The following GRID2 variants were observed in gnomAD, a reference collection of about 807,000 sequenced individuals.
GRID2 encodes glutamate ionotropic receptor delta type subunit 2, also known as glutamate receptor ionotropic, delta-2.
GRID2 carries 33 observed loss-of-function variants against 114.8 expected under a neutral mutation model. The ratio of observed to expected loss-of-function variants is 0.29; its 90% CI spans 0.22 to 0.38. The LOEUF is 0.38. GRID2 is among the 10% of genes least tolerant of loss of function. The pLI is 1.00. For synonymous variants in GRID2, 505 were observed against 449.9 expected (o/e 1.12, Z -1.55); for missense variants, 1,184 against 1,257.7 (o/e 0.94, Z 0.89).
At chr4:93,252,829 A>G (rs913286683) in intron 8 of GRID2, among the ~76,000 whole-genome samples, 1 of 151,930 alleles carries the variant, frequency 6.6e-6, no homozygotes, top group Non-Finnish European at 1.5e-5. Flanking sequence ...TTTTGTGGCA[A>G]TTGCAAATGG....
intron 1 of GRID2, among the ~76,000 whole-genome samples, chr4:92,559,323 C>A (rs1218960651): frequency 1.3e-5 from 2 of 151,994 alleles, no homozygotes; most frequent in African/African-American, 4.8e-5. Flanking sequence ...TTTTTTTCTT[C>A]TAATTACAGA....
At chr4:93,310,914 T>G (rs1168602697) in intron 8 of GRID2, among the ~76,000 whole-genome samples, 1 of 152,176 alleles carries the variant, frequency 6.6e-6, no homozygotes, top group African/African-American at 2.4e-5. Context: ...ATCTTTTCTG[T>G]GTATAGGTTT....
intron 2 of GRID2, among the ~76,000 whole-genome samples, chr4:92,943,521 C>T (rs1208942824): frequency 2.0e-5 from 3 of 152,086 alleles, no homozygotes; most frequent in South Asian, 2.1e-4. Flanking sequence ...GCCATGGGTT[C>T]GAACTTCCTC....
chr4:92,690,539 A>G (rs189311542), intron 2 of GRID2, among the ~76,000 whole-genome samples: 1 of 152,356 alleles, frequency 6.6e-6, no homozygotes, highest in East Asian at 1.9e-4. Context: ...CACAGTCATG[A>G]AGTGATCACA....
chr4:92,935,813 C>T (rs1417824920), intron 2 of GRID2, among the ~76,000 whole-genome samples: 2 of 142,676 alleles, frequency 1.4e-5, no homozygotes, highest in African/African-American at 5.0e-5. Flanking sequence ...CATGTTCTCA[C>T]TCATAGGTGG....
At chr4:93,180,944 C>A (rs1347005114) in intron 4 of GRID2, among the ~76,000 whole-genome samples, 1 of 152,108 alleles carries the variant, frequency 6.6e-6, no homozygotes, top group Non-Finnish European at 1.5e-5. Context: ...AACTCCTGCT[C>A]ATGTTGATAT....
chr4:92,370,512 T>C (rs1220436453), intron 1 of GRID2, among the ~76,000 whole-genome samples: 1 of 151,882 alleles, frequency 6.6e-6, no homozygotes, highest in Admixed American at 6.6e-5. Flanking sequence ...TAGCCAGGCG[T>C]GGTGGTGGGT....
chr4:93,333,061 G>C (rs1018314922), intron 8 of GRID2, among the ~76,000 whole-genome samples: 3 of 152,088 alleles, frequency 2.0e-5, no homozygotes, highest in Non-Finnish European at 4.4e-5. Flanking sequence ...TCTGTTGACT[G>C]TTAGCTTCTG....
rs1320090236 is a variant in GRID2, at chr4:92,411,649, G to GTATATATATATATA, written c.88+106906_88+106907insATATATATATATAT. On this transcript the variant is annotated intron_variant, in intron 1 of 15. Transcript: ENST00000282020. ...CATGTGTGTGTGTGTGTGTGTGTGT[G>GTATATATATATATA]TGTGTGTATATATATATATATATAT... Among the ~76,000 whole-genome samples the GTATATATATATATA allele has an allele frequency of 9.3e-3, 879 of 94,094 alleles. 14 individuals are homozygous for GTATATATATATATA. Among genetic ancestry groups the GTATATATATATATA allele is most frequent in the South Asian group, 0.012 (37 of 3,072 alleles). The allele number at this position is 94,094 out of a possible 152,430, so 61.7% of individuals were successfully genotyped here. A position where few individuals can be genotyped will look rare whatever the true frequency, so the allele number is the denominator to read the frequency against.
chr4:93,783,310 A>G (rs1734519509), intron 1 of GRID2, among the ~76,000 whole-genome samples: 1 of 152,258 alleles, frequency 6.6e-6, no homozygotes, highest in Non-Finnish European at 1.5e-5. Flanking sequence ...TGGAAAGTTA[A>G]GTAATTTGGT....
chr4:92,394,226 A>G (rs927762964), intron 1 of GRID2, among the ~76,000 whole-genome samples: 1 of 152,072 alleles, frequency 6.6e-6, no homozygotes, highest in South Asian at 2.1e-4. Context: ...TCCACTTTTT[A>G]TATTGCATTA....
chr4:93,290,862 A>C (rs1257340802), intron 8 of GRID2, among the ~76,000 whole-genome samples: 2 of 147,180 alleles, frequency 1.4e-5, no homozygotes, highest in Non-Finnish European at 3.0e-5. Flanking sequence ...GTTCAAAAGC[A>C]TACAAGTTAC....
intron 1 of GRID2, among the ~76,000 whole-genome samples, chr4:92,401,760 T>C (rs2110282200): frequency 6.6e-6 from 1 of 152,316 alleles, no homozygotes; most frequent in South Asian, 2.1e-4. Context: ...CCTCACTGTT[T>C]ATGGCTGCTG....
chr4:93,321,461 TA>T lies in GRID2; in HGVS notation c.1246-74145del, dbSNP rs546232322. On this transcript the variant is annotated intron_variant, in intron 8 of 15. Coordinates refer to ENST00000282020, the MANE Select transcript of GRID2 (RefSeq NM_001510.4). ...GAGATAAGAAATATGGAAAGAAGGA[TA>T]TTTTTAGGGAAGAGGATGTGTACAA... is the stretch of plus-strand genomic sequence containing the variant. Among the ~76,000 whole-genome samples, 266 of 152,200 alleles carry T rather than the reference TA, an allele frequency of 1.7e-3. 2 individuals are homozygous for T. The highest frequency in any genetic ancestry group is 5.9e-3 in the African/African-American group (247 of 41,550).
chr4:93,419,294 TA>T (rs1768034182), intron 9 of GRID2, among the ~76,000 whole-genome samples: 1 of 151,984 alleles, frequency 6.6e-6, no homozygotes, highest in African/African-American at 2.4e-5. Context: ...ATGCAGTAGC[TA>T]GCTGCTCAGT....
intron 14 of GRID2, among the ~76,000 whole-genome samples, chr4:93,761,478 C>G (rs1733202603): frequency 6.6e-6 from 1 of 152,170 alleles, no homozygotes; most frequent in Admixed American, 6.5e-5. Context: ...TGCTTTCACA[C>G]TACAAAGGCA....
chr4:93,785,792 A>G (rs1161180141), intron 1 of GRID2, among the ~76,000 whole-genome samples: 1 of 152,170 alleles, frequency 6.6e-6, no homozygotes, highest in Non-Finnish European at 1.5e-5. Flanking sequence ...CTCGTGTGGC[A>G]ATCCACCTAG....
intron 13 of GRID2, among the ~76,000 whole-genome samples, chr4:93,589,306 G>T (rs1162901900): frequency 1.3e-5 from 2 of 150,156 alleles, no homozygotes; most frequent in South Asian, 2.1e-4. Flanking sequence ...GTGGTGTTTG[G>T]TTTTTTTGTT....
At chr4:93,722,648 A>G (rs2110198514) in intron 14 of GRID2, among the ~76,000 whole-genome samples, 1 of 152,110 alleles carries the variant, frequency 6.6e-6, no homozygotes, top group East Asian at 1.9e-4. Context: ...CTTTCTCACC[A>G]CCCATATTTA....
Sources: gnomAD v4.1 joint callset for allele counts (sites outside exome capture counted in the v4.1 genomes callset) on GRCh38, gnomAD v4.1.1 for gene constraint, MANE v1.5 for transcripts, NCBI Gene and HGNC (gene_info 2026-07-23, HGNC 2026-07-21) for gene names.